The following NDUFS4 variants were observed in gnomAD, a reference collection of about 807,000 sequenced individuals.
The protein encoded by NDUFS4 is NADH dehydrogenase [ubiquinone] iron-sulfur protein 4, mitochondrial.
NDUFS4 carries 28 observed loss-of-function variants against 24.3 expected under a neutral mutation model. That is an observed-to-expected ratio of 1.15 (90% confidence interval 0.85 to 1.58). The LOEUF is 1.58. NDUFS4 is among the 40% of genes most tolerant of loss of function. The probability of loss-of-function intolerance (pLI) is 0.00; values close to 1 mark genes in which losing one functional copy is unlikely to be tolerated. For missense variants in NDUFS4, 223 were observed against 207.9 expected, an observed-to-expected ratio of 1.07 and a Z score of -0.45; for synonymous variants, 93 against 69.7, an observed-to-expected ratio of 1.34 and a Z score of -1.67.
At chr5:53,637,967 CAG>C (rs1751606115) in intron 2 of NDUFS4, among the ~76,000 whole-genome samples, 1 of 152,028 alleles carries the variant, frequency 6.6e-6, no homozygotes, top group Non-Finnish European at 1.5e-5. Context: ...TTATGAATGA[CAG>C]AAGATTTAAA....
chr5:53,604,043 C>T (rs183428034), intron 2 of NDUFS4, among the ~76,000 whole-genome samples: 2 of 152,210 alleles, frequency 1.3e-5, no homozygotes, highest in East Asian at 3.9e-4. Context: ...AGACCAGCAA[C>T]AAATGAGTAA....
chr5:53,605,714 G>A (rs1236445253), intron 2 of NDUFS4, among the ~76,000 whole-genome samples: 1 of 152,044 alleles, frequency 6.6e-6, no homozygotes, highest in Non-Finnish European at 1.5e-5. Context: ...TTCTCATATT[G>A]TTATAAAGAA....
At chr5:53,560,791 T>G (rs988460223) in intron 1 of NDUFS4, 31 bp downstream of exon 1, 3 of 1,613,690 alleles carry the variant, frequency 1.9e-6, no homozygotes, top group Admixed American at 1.7e-5. Context: ...TTCTTCAAGC[T>G]TCTTGGGTCC....
At chr5:53,669,787 T>C (rs1752614321) in intron 4 of NDUFS4, among the ~76,000 whole-genome samples, 1 of 152,210 alleles carries the variant, frequency 6.6e-6, no homozygotes, top group African/African-American at 2.4e-5. Context: ...ATTTATCTTT[T>C]AATGTGCTCA....
In NDUFS4 at chr5:53,683,327, C is replaced by A; in HGVS notation, c.*106C>A. 1 of 812,902 alleles carries A rather than the reference C, an allele frequency of 1.2e-6. No individual in the cohort carries two copies. Among genetic ancestry groups the A allele is most frequent in the Non-Finnish European group, 2.1e-6 (1 of 474,792 alleles). 50.4% of individuals were successfully genotyped at this position (812,902 alleles called of 1,614,324 possible). On this transcript the variant is annotated 3_prime_UTR_variant, in exon 5 of 5. Transcript: ENST00000296684. ...CTCTTAATCTCCTAATAAATTGGAC[C>A]TTTAAACTACAGATACATTTTGTGG... is the stretch of plus-strand genomic sequence containing the variant.
At chr5:53,584,680 A>G (rs1749684064) in intron 1 of NDUFS4, among the ~76,000 whole-genome samples, 1 of 152,146 alleles carries the variant, frequency 6.6e-6, no homozygotes. Flanking sequence ...ATTTGTAGTT[A>G]ATAAGTATTA....
In NDUFS4 at chr5:53,620,042, A is replaced by C. The variant is rs1390159980; in HGVS notation, c.177+16512A>C. Among the ~76,000 whole-genome samples, 3 of 152,186 alleles carry C rather than the reference A, an allele frequency of 2.0e-5. No individual in the cohort carries two copies. The East Asian group carries it at 5.8e-4, about 29-fold the overall frequency. ...AGTATCAACATTTTAGGCCAGGCGC[A>C]GTGGCAAGGTGGGAGGATTGCCTGA... On this transcript the variant is annotated intron_variant, in intron 2 of 4. Transcript: ENST00000296684.
At chr5:53,637,819 T>C (rs1386338334) in intron 2 of NDUFS4, among the ~76,000 whole-genome samples, 1 of 152,142 alleles carries the variant, frequency 6.6e-6, no homozygotes, top group Non-Finnish European at 1.5e-5. Context: ...TCCAATGGTA[T>C]AATCTGAAAG....
At chr5:53,617,488 A>T (rs1561365336) in intron 2 of NDUFS4, among the ~76,000 whole-genome samples, 1 of 150,774 alleles carries the variant, frequency 6.6e-6, no homozygotes, top group South Asian at 2.1e-4. Context: ...TGGCTTTCTG[A>T]GTCATTCTTT....
chr5:53,618,738 T>C (rs936768329), intron 2 of NDUFS4, among the ~76,000 whole-genome samples: 3 of 152,190 alleles, frequency 2.0e-5, no homozygotes, highest in Non-Finnish European at 4.4e-5. Flanking sequence ...TGGAAATTTG[T>C]AACTGTATTA....
chr5:53,628,123 C>T (rs1236409592), intron 2 of NDUFS4, among the ~76,000 whole-genome samples: 2 of 152,174 alleles, frequency 1.3e-5, no homozygotes, highest in East Asian at 3.9e-4. Context: ...GCCTTTTCTG[C>T]ATCTATTGAG....
chr5:53,616,212 ATTC>A (rs1242436380), intron 2 of NDUFS4, among the ~76,000 whole-genome samples: 2 of 141,026 alleles, frequency 1.4e-5, no homozygotes, highest in Non-Finnish European at 3.2e-5. Flanking sequence ...TCCTTCATTC[ATTC>A]AATTTTTTTT....
intron 1 of NDUFS4, among the ~76,000 whole-genome samples, chr5:53,590,183 C>T (rs1749897359): frequency 6.6e-6 from 1 of 152,080 alleles, no homozygotes; most frequent in Admixed American, 6.5e-5. Context: ...GGTCTTGTTG[C>T]TGAAAGGTGA....
intron 4 of NDUFS4, among the ~76,000 whole-genome samples, chr5:53,665,664 G>C (rs2112531796): frequency 1.3e-5 from 2 of 152,328 alleles, no homozygotes; most frequent in Middle Eastern, 6.8e-3. Context: ...CGTTTGCTAA[G>C]ACCGTTGGAA....
At chr5:53,614,366 A>G (rs1300118061) in intron 2 of NDUFS4, among the ~76,000 whole-genome samples, 1 of 151,976 alleles carries the variant, frequency 6.6e-6, no homozygotes, top group Non-Finnish European at 1.5e-5. Flanking sequence ...TACAGTTTTT[A>G]TATACAGACA....
At chr5:53,575,111 A>G (rs1056825897) in intron 1 of NDUFS4, among the ~76,000 whole-genome samples, 11 of 152,202 alleles carry the variant, frequency 7.2e-5, no homozygotes, top group South Asian at 2.1e-4. Flanking sequence ...GGGATTTTCT[A>G]TCATTTCTCT....
chr5:53,634,552 GGTTCT>G (rs905044277), intron 2 of NDUFS4, among the ~76,000 whole-genome samples: 10 of 152,034 alleles, frequency 6.6e-5, no homozygotes, highest in South Asian at 2.1e-4. Flanking sequence ...ATAATAGATT[GGTTCT>G]GTTCTGTTCT....
intron 2 of NDUFS4, among the ~76,000 whole-genome samples, chr5:53,618,645 CTA>C (rs1750930156): frequency 6.6e-6 from 1 of 152,154 alleles, no homozygotes; most frequent in Admixed American, 6.5e-5. Flanking sequence ...TGACAATCAA[CTA>C]TGTAATTCTT....
chr5:53,577,151 T>C (rs1378075049), intron 1 of NDUFS4, among the ~76,000 whole-genome samples: 1 of 152,142 alleles, frequency 6.6e-6, no homozygotes, highest in Admixed American at 6.5e-5. Flanking sequence ...ATGTTGCGAT[T>C]GTTGCTGTGA....
Sources: allele counts gnomAD v4.1 joint callset (sites outside exome capture counted in the v4.1 genomes callset), GRCh38; gene constraint gnomAD v4.1.1; transcripts MANE v1.5; gene names NCBI Gene and HGNC (gene_info 2026-07-23, HGNC 2026-07-21).